Variants in PLCD4 observed in about 807,000 individuals in gnomAD.
PLCD4 encodes the protein phospholipase C delta 4.
Under a neutral mutation model 90.2 loss-of-function variants are expected in PLCD4, and 63 were observed. That is an observed-to-expected ratio of 0.70 (90% CI 0.57 to 0.86). The LOEUF (loss-of-function observed/expected upper bound fraction) is 0.86, where lower values mean the gene tolerates loss of function less well. Ranked by LOEUF, PLCD4 falls within the 40% of genes least tolerant of loss-of-function variation. The probability of loss-of-function intolerance (pLI) is 0.00; values close to 1 mark genes in which losing one functional copy is unlikely to be tolerated. For synonymous variants in PLCD4, 294 were observed against 356.5 expected (o/e 0.82, Z 1.97); for missense variants, 830 against 956.3 (o/e 0.87, Z 1.74).
At position 218,636,892 on chromosome 2, in the gene PLCD4, T is replaced by G. The variant is rs900210290; in HGVS notation, c.*315T>G. On this transcript the variant is annotated 3_prime_UTR_variant, in exon 16 of 16. Transcript: ENST00000450993. ...CCCATACCGACATCTACAACTAATC[T>G]TTCCCATCAACTCTGTGTGAAGGCA... The G allele has an allele frequency of 6.3e-6, 3 of 478,218 alleles. No individual in the cohort carries two copies. In the Admixed American group the frequency reaches 7.0e-5, roughly 11 times the overall value. 29.6% of individuals were successfully genotyped at this position (478,218 alleles called of 1,614,324 possible).
chr2:218,623,470 T>C (rs1190742966), intron 6 of PLCD4, among the ~76,000 whole-genome samples: 1 of 152,228 alleles, frequency 6.6e-6, no homozygotes, highest in Non-Finnish European at 1.5e-5. Context: ...CAAAGTTTCT[T>C]CCTCTTGCCT....
intron 3 of PLCD4, 65 bp downstream of exon 3, chr2:218,616,127 G>A: frequency 1.3e-6 from 2 of 1,570,960 alleles, no homozygotes; most frequent in Non-Finnish European, 1.7e-6. Flanking sequence ...GCCCGGCAGG[G>A]GAGGGACCAA....
intron 1 of PLCD4, among the ~76,000 whole-genome samples, chr2:218,610,318 C>A (rs1419473580): frequency 6.6e-6 from 1 of 151,390 alleles, no homozygotes; most frequent in Non-Finnish European, 1.5e-5. Flanking sequence ...ACCAGCCTGG[C>A]CAACATAGTG....
intron 6 of PLCD4, among the ~76,000 whole-genome samples, chr2:218,627,496 T>C (rs970246290): frequency 4.0e-5 from 6 of 151,880 alleles, no homozygotes; most frequent in African/African-American, 1.2e-4. Context: ...GAAGTTCTAT[T>C]GGATAGCACT....
Position 218,635,920 on chromosome 2 carries a change from T to C in PLCD4, c.2021T>C (p.Val674Ala). The C allele has an allele frequency of 6.2e-7, 1 of 1,613,988 alleles. No individual in the cohort carries two copies. The highest frequency in any genetic ancestry group is 1.6e-4 in the Middle Eastern group (1 of 6,062). ...ACAGCACGGCAGGAGACCAACTATGTGGAGAACAATGGTGAGAAACTGGCA... is the reference window on the plus strand; with the variant it reads ...ACAGCACGGCAGGAGACCAACTATGCGGAGAACAATGGTGAGAAACTGGCA... ...LDTARQETNYVENNGFNPYWG... is the reference protein window; with the variant it reads ...LDTARQETNYAENNGFNPYWG... The change falls in exon 14 of 16, where the codon GTG (valine) becomes GCG (alanine). Residue 674 changes from valine (V) to alanine (A), a missense_variant. Transcript: ENST00000450993.
intron 4 of PLCD4, among the ~76,000 whole-genome samples, chr2:218,619,901 A>G (rs1207108011): frequency 6.6e-6 from 1 of 151,974 alleles, no homozygotes; most frequent in Non-Finnish European, 1.5e-5. Context: ...TATTTGAGAC[A>G]GGGTCTCACT....
At chr2:218,629,384 A>G in intron 7 of PLCD4, 135 bp from the exon 8 acceptor site, 1 of 1,001,580 alleles carries the variant, frequency 1.0e-6, no homozygotes, top group South Asian at 1.6e-5. Context: ...AGAAGGCTCT[A>G]TGCAGATGTA....
intron 5 of PLCD4, 147 bp downstream of exon 5, chr2:218,621,746 G>A: frequency 9.3e-7 from 1 of 1,073,264 alleles, no homozygotes; most frequent in East Asian, 2.4e-5. Flanking sequence ...GGCTCAATGG[G>A]AAGTATAGGG....
chr2:218,635,989 AGTCT>A, intron 14 of PLCD4, 58 bp downstream of exon 14: 1 of 1,611,030 alleles, frequency 6.2e-7, no homozygotes, highest in African/African-American at 1.3e-5. Flanking sequence ...TTTTCCTTCT[AGTCT>A]GTCTTCCATT....
chr2:218,621,770 T>C (rs1695889678), intron 5 of PLCD4, among the ~76,000 whole-genome samples, 171 bp downstream of exon 5: 1 of 152,114 alleles, frequency 6.6e-6, no homozygotes, highest in African/African-American at 2.4e-5. Flanking sequence ...GATTCTTGCC[T>C]TTCAGTCTTG....
In PLCD4 at chr2:218,618,774, T is replaced by C. The variant is rs773853595; in HGVS notation, c.377T>C (p.Val126Ala). ...MRGLQLLVDL[V>A]TSMDHQERLD... is the part of the protein sequence containing the mutation. ...GGGCTCCAGCTGTTGGTGGATCTTG[T>C]CACCAGCATGGACCATCAGGAGCGC... The change falls in exon 4 of 16, where the codon GTC (valine) becomes GCC (alanine). Residue 126 changes from valine (V) to alanine (A), a missense_variant. Val to Ala is a moderately conservative substitution (Grantham distance 64, BLOSUM62 0). Coordinates refer to ENST00000450993, the MANE Select transcript of PLCD4 (RefSeq NM_032726.4). The C allele has an allele frequency of 1.7e-5, 27 of 1,602,066 alleles. No homozygotes were observed. Among genetic ancestry groups the C allele is most frequent in the Non-Finnish European group, 2.1e-5 (25 of 1,174,362 alleles).
chr2:218,633,451 C>T (rs1696505725), intron 10 of PLCD4, 154 bp from the exon 11 acceptor site: 1 of 912,204 alleles, frequency 1.1e-6, no homozygotes, highest in African/African-American at 1.6e-5. Context: ...CTCCTATTTC[C>T]AAGCCTGAGT....
rs370534984 is a variant in PLCD4, at chr2:218,622,692, G to C, written c.586G>C (p.Val196Leu). ...QSGTLEGEEF[V>L]QFYKALTKRA... ...TGGAACCCTGGAAGGAGAAGAATTC[G>C]TACAGTTCTATAAGGCATTGACTAA... is the stretch of plus-strand genomic sequence containing the variant. Residue 196 changes from valine (V) to leucine (L), a missense_variant, in exon 6 of 16, where the codon GTA (valine) becomes CTA (leucine). Val to Leu is a conservative substitution (Grantham distance 32). Coordinates refer to ENST00000450993, the MANE Select transcript of PLCD4 (RefSeq NM_032726.4). 68 of 1,613,856 alleles carry C rather than the reference G, an allele frequency of 4.2e-5. No individual in the cohort carries two copies. Among genetic ancestry groups the C allele is most frequent in the Non-Finnish European group, 5.7e-5 (67 of 1,179,900 alleles).
At chr2:218,616,931 G>T (rs796879340) in intron 3 of PLCD4, among the ~76,000 whole-genome samples, 3,589 of 9,338 alleles carry the variant, frequency 0.38, 77 homozygotes, top group South Asian at 0.42. Context: ...TATATATAGA[G>T]AGAGAGAGAG....
Position 218,616,062 on chromosome 2 carries a change from TGTGAGTGACCTG to T in PLCD4, c.181+2_181+13del, listed in dbSNP as rs747044503. The T allele has an allele frequency of 3.0e-5, 48 of 1,613,080 alleles. No individual in the cohort carries two copies. Among genetic ancestry groups the T allele is most frequent in the Admixed American group, 5.0e-5 (3 of 59,970 alleles). ...GGCCAGGGGCAGTGCCAAGCCCAGC[TGTGAGTGACCTG>T]GATAGTGGGGGGTGGATACATGGGT... is the stretch of plus-strand genomic sequence containing the variant. On this transcript the variant is annotated splice_donor_variant and splice_donor_5th_base_variant and intron_variant, in intron 3 of 15. Transcript: ENST00000450993. LOFTEE classifies it high-confidence loss of function.
In PLCD4 at chr2:218,634,275, A is replaced by G; in HGVS notation, c.1723+54A>G. On this transcript the variant is annotated intron_variant, in intron 12 of 15. Transcript: ENST00000450993. This position sits in a 1 kb window ranked among gnomAD's most constrained non-coding sequence, Gnocchi z 4.0. ...GGAGTGGAGGAGCAGCAGGTGGGAA[A>G]TAAGTTCTCTAGTGATGGTAGGGTT... is the stretch of plus-strand genomic sequence containing the variant. The G allele has an allele frequency of 2.5e-6, 4 of 1,578,998 alleles. No individual in the cohort carries two copies. The highest frequency in any genetic ancestry group is 3.4e-6 in the Non-Finnish European group (4 of 1,162,290).
At chr2:218,621,752 T>C (rs529174763) in intron 5 of PLCD4, among the ~76,000 whole-genome samples, 153 bp downstream of exon 5, 1 of 152,164 alleles carries the variant, frequency 6.6e-6, no homozygotes, top group East Asian at 1.9e-4. Flanking sequence ...ATGGGAAGTA[T>C]AGGGGATGAT....
chr2:218,619,439 G>A (rs1375810666), intron 4 of PLCD4, among the ~76,000 whole-genome samples: 1 of 151,944 alleles, frequency 6.6e-6, no homozygotes, highest in African/African-American at 2.4e-5. Flanking sequence ...GACTACAGGT[G>A]CATGCCACCA....
intron 1 of PLCD4, among the ~76,000 whole-genome samples, chr2:218,613,741 T>A (rs766053990): frequency 6.6e-6 from 1 of 151,998 alleles, no homozygotes; most frequent in Admixed American, 6.6e-5. Context: ...TTTAAAAAAA[T>A]TCTTTGTAGA....
Sources: allele counts gnomAD v4.1 joint callset (sites outside exome capture counted in the v4.1 genomes callset), GRCh38; gene constraint gnomAD v4.1.1; non-coding constraint Gnocchi (gnomAD v3.1); transcripts MANE v1.5; gene names NCBI Gene and HGNC (gene_info 2026-07-23, HGNC 2026-07-21).